CCDC9B: variants seen among roughly 807,000 people sequenced by gnomAD.
CCDC9B encodes coiled-coil domain containing 9B, also known as coiled-coil domain-containing protein 9B.
In CCDC9B, 40 loss-of-function variants were observed where a neutral mutation model predicts 47.2. The ratio of observed to expected loss-of-function variants is 0.85; its 90% CI spans 0.66 to 1.10. CCDC9B has a LOEUF of 1.10. CCDC9B is among the 50% of genes least tolerant of loss of function. The pLI is 0.00. For synonymous variants in CCDC9B, 238 were observed against 250.7 expected (o/e 0.95, Z 0.48); for missense variants, 662 against 651.0 (o/e 1.02, Z -0.18).
intron 7 of CCDC9B, 118 bp from the exon 8 acceptor site, chr15:40,336,931 C>A: frequency 1.0e-6 from 1 of 1,004,468 alleles, no homozygotes; most frequent in Non-Finnish European, 1.5e-6. Context: ...GGTTTTGCCT[C>A]CCCAAAAGCG....
chr15:40,340,099 A>G (rs62017975), intron 1 of CCDC9B, 84 bp from the exon 2 acceptor site: 34,285 of 839,278 alleles, frequency 0.041, 912 homozygotes, highest in South Asian at 0.056. Flanking sequence ...CCACCCAAGG[A>G]AGAGATCCCA....
At chr15:40,338,970 G>A (rs555001762) in intron 3 of CCDC9B, 67 bp from the exon 4 acceptor site, 15 of 1,578,496 alleles carry the variant, frequency 9.5e-6, no homozygotes, top group African/African-American at 4.0e-5. Flanking sequence ...GGGTCCTCTC[G>A]GTGGTTCCCC....
At chr15:40,335,970 A>G (rs1888950902) in intron 9 of CCDC9B, 144 bp from the exon 10 acceptor site, 2 of 1,496,974 alleles carry the variant, frequency 1.3e-6, no homozygotes, top group African/African-American at 1.4e-5. Context: ...CACACTGAGC[A>G]GTGGAGAAAT....
At position 40,335,354 on chromosome 15, in the gene CCDC9B, A is replaced by T; in HGVS notation, c.1277T>A (p.Leu426Gln). 6.2e-7 allele frequency: 1 copy of T among 1,613,212 alleles called. No individual in the cohort carries two copies. Among genetic ancestry groups the T allele is most frequent in the South Asian group, 1.1e-5 (1 of 91,076 alleles). The change falls in exon 11 of 11, where the codon CTG becomes CAG. Residue 426 changes from leucine to glutamine, a missense_variant. Coordinates refer to ENST00000397536, the MANE Select transcript of CCDC9B (RefSeq NM_207380.3). The part of the protein sequence containing the change: ...PLGWSNHQAE[L>Q]EVQTCPEPQR... The stretch of plus-strand genomic sequence containing the variant: ...TGGCTCAGGGCAAGTCTGTACTTCC[A>T]GCTCAGCCTGGTGATTGCTCCACCC...
chr15:40,336,081 C>T, intron 9 of CCDC9B: 1 of 985,430 alleles, frequency 1.0e-6, no homozygotes, highest in Non-Finnish European at 1.2e-6. Context: ...TCCTCTGGGC[C>T]TCCATCTCCT....
intron 9 of CCDC9B, 119 bp downstream of exon 9, chr15:40,336,455 G>A (rs1438409720): frequency 6.9e-7 from 1 of 1,458,842 alleles, no homozygotes. Context: ...AACCTGCCAG[G>A]CAGCAGTCAG....
Position 40,340,918 on chromosome 15 carries a change from C to T in CCDC9B, c.-99G>A. 6.2e-7 allele frequency: 1 copy of T among 1,608,654 alleles called. No homozygotes were observed. Among genetic ancestry groups the T allele is most frequent in the Non-Finnish European group, 8.5e-7 (1 of 1,178,198 alleles). ...GGAGCCGGGCCTCTGCCGGCCTCTC[C>T]CTGCCGGCTTCGCTGCTCAGCACAC... On this transcript the variant is annotated 5_prime_UTR_variant, in exon 1 of 11. Coordinates refer to ENST00000397536, the MANE Select transcript of CCDC9B (RefSeq NM_207380.3).
Position 40,338,649 on chromosome 15 carries a change from A to T in CCDC9B, c.399T>A (p.Ile133=). 17 of 1,614,064 alleles carry T rather than the reference A, an allele frequency of 1.1e-5. No individual in the cohort carries two copies. The highest frequency in any genetic ancestry group is 1.4e-5 in the Non-Finnish European group (17 of 1,180,002). ...TMENKAEGKR[I]VSEKPTRARN... ...TTGCTCTGGTAGGCTTTTCACTTACAATCCGTTTGCCCTGGGGAGGATGAA... is the reference window on the plus strand; with the variant it reads ...TTGCTCTGGTAGGCTTTTCACTTACTATCCGTTTGCCCTGGGGAGGATGAA... Residue 133 remains isoleucine, a synonymous_variant, in exon 5 of 11, where the codon ATT becomes ATA. Transcript: ENST00000397536.
At position 40,338,661 on chromosome 15, in the gene CCDC9B, C is replaced by A. The variant is rs1189713063; in HGVS notation, c.388-1G>T. ...GCTTTTCACTTACAATCCGTTTGCC[C>A]TGGGGAGGATGAAGATGGGCAGTGC... On this transcript the variant is annotated splice_acceptor_variant, in intron 4 of 10. Coordinates refer to ENST00000397536, the MANE Select transcript of CCDC9B (RefSeq NM_207380.3). LOFTEE classifies it high-confidence loss of function. 6.2e-7 allele frequency: 1 copy of A among 1,614,002 alleles called. No homozygotes were observed. Among genetic ancestry groups the A allele is most frequent in the South Asian group, 1.1e-5 (1 of 91,054 alleles).
chr15:40,337,509 A>AC (rs1202127882), intron 6 of CCDC9B, 63 bp from the exon 7 acceptor site: 8 of 1,409,752 alleles, frequency 5.7e-6, no homozygotes, highest in East Asian at 2.3e-5. Flanking sequence ...CCACCCTGAC[A>AC]CCCCCCTCCC....
intron 6 of CCDC9B, 52 bp downstream of exon 6, chr15:40,337,672 G>A (rs557567797): frequency 9.6e-5 from 147 of 1,536,206 alleles, no homozygotes; most frequent in Middle Eastern, 2.2e-4. Context: ...AGCAGTGCCC[G>A]AAGCCAGCTC....
chr15:40,340,656 G>C, intron 1 of CCDC9B, 152 bp downstream of exon 1: 1 of 703,356 alleles, frequency 1.4e-6, no homozygotes, highest in Non-Finnish European at 2.3e-6. Context: ...GTTCCTCTCT[G>C]TCTGGATGCA....
chr15:40,339,270 G>A (rs927983097), intron 3 of CCDC9B: 1 of 584,378 alleles, frequency 1.7e-6, no homozygotes, highest in Non-Finnish European at 3.1e-6. Context: ...TGTGCTTTGT[G>A]GCATAGGCGC....
Position 40,332,725 on chromosome 15 carries a change from G to A in CCDC9B, c.*2433C>T, listed in dbSNP as rs1408662995. On this transcript the variant is annotated 3_prime_UTR_variant, in exon 11 of 11. Transcript: ENST00000397536. Reference sequence around the variant, plus strand: ...AGATTCTTGATCACAATCATTTTTGGAGACATCTGCCTGATGTCTCCAAAA... The same window carrying A: ...AGATTCTTGATCACAATCATTTTTGAAGACATCTGCCTGATGTCTCCAAAA... The A allele has an allele frequency of 6.6e-6, 1 of 152,014 alleles. No individual in the cohort carries two copies. The highest frequency in any genetic ancestry group is 1.9e-4 in the East Asian group (1 of 5,184). The allele number at this position is 152,014 out of a possible 1,614,324, so 9.4% of individuals were successfully genotyped here.
In CCDC9B at chr15:40,336,608, G is replaced by A. The variant is rs146973724; in HGVS notation, c.853C>T (p.Arg285Trp). ...SVAPATGSKA[R>W]GKERLTGRAR... Reference sequence around the variant, plus strand: ...CTGCCAGTCAGCCTCTCCTTGCCCCGGGCTTTGCTGCCTGTGGCTGGTGCC... The same window carrying A: ...CTGCCAGTCAGCCTCTCCTTGCCCCAGGCTTTGCTGCCTGTGGCTGGTGCC... The change falls in exon 9 of 11, where the codon CGG becomes TGG. Residue 285 changes from arginine to tryptophan, a missense_variant. Physicochemically the swap from Arg to Trp is moderately radical, Grantham distance 101. Transcript: ENST00000397536. 1.4e-4 allele frequency: 218 copies of A among 1,612,712 alleles called. No individual in the cohort carries two copies. Among genetic ancestry groups the A allele is most frequent in the Non-Finnish European group, 1.8e-4 (213 of 1,179,678 alleles).
chr15:40,338,995 AC>A, intron 3 of CCDC9B, 92 bp from the exon 4 acceptor site: 5 of 1,385,436 alleles, frequency 3.6e-6, no homozygotes, highest in Non-Finnish European at 5.1e-6. Context: ...CTGGGTTCCA[AC>A]CCCAGCCCTC....
intron 7 of CCDC9B, 47 bp from the exon 8 acceptor site, chr15:40,336,860 CA>C: frequency 6.5e-7 from 1 of 1,543,492 alleles, no homozygotes. Context: ...ACAAAGGATC[CA>C]AAACAGGAAC....
chr15:40,340,695 C>A (rs376294655), intron 1 of CCDC9B, 113 bp downstream of exon 1: 16 of 999,640 alleles, frequency 1.6e-5, no homozygotes, highest in East Asian at 1.6e-4. Flanking sequence ...TAGTCACAGC[C>A]TTCTTCCTCC....
At position 40,334,989 on chromosome 15, in the gene CCDC9B, G is replaced by A. The variant is rs141713705; in HGVS notation, c.*169C>T. The A allele has an allele frequency of 5.1e-4, 286 of 559,910 alleles. 1 individual carries two copies. Among genetic ancestry groups the A allele is most frequent in the African/African-American group, 4.8e-3 (254 of 53,346 alleles). 34.7% of individuals were successfully genotyped at this position (559,910 alleles called of 1,614,324 possible). A position where few individuals can be genotyped will look rare whatever the true frequency, so the allele number is the denominator to read the frequency against. ...ACAGAGATGAGCGTGTGAGGTGCAG[G>A]GAGGCCACTCCTTGCCCTCACAAGG... On this transcript the variant is annotated 3_prime_UTR_variant, in exon 11 of 11. Transcript: ENST00000397536.
Sources: allele counts gnomAD v4.1 joint callset, GRCh38; gene constraint gnomAD v4.1.1; transcripts MANE v1.5; gene names NCBI Gene and HGNC (gene_info 2026-07-23, HGNC 2026-07-21).